The following STRIP2 variants were observed in gnomAD, a reference collection of about 807,000 sequenced individuals.
STRIP2 encodes striatin-interacting protein 2.
A neutral mutation model predicts 107.1 loss-of-function variants in STRIP2; 84 were observed. That is an observed-to-expected ratio of 0.78 (90% CI 0.66 to 0.94). The LOEUF (loss-of-function observed/expected upper bound fraction) is 0.94. Among genes scored for constraint, STRIP2 ranks in the 40% least tolerant of loss-of-function variants. The probability of loss-of-function intolerance (pLI) is 0.00; values close to 1 mark genes in which losing one functional copy is unlikely to be tolerated. For synonymous variants in STRIP2, 394 were observed against 400.4 expected, an observed-to-expected ratio of 0.98 and a Z score of 0.19; for missense variants, 888 against 1,034.2, an observed-to-expected ratio of 0.86 and a Z score of 1.94.
chr7:129,475,157 G>A (rs1798882423), intron 18 of STRIP2, among the ~76,000 whole-genome samples: 1 of 152,048 alleles, frequency 6.6e-6, no homozygotes, highest in Admixed American at 6.6e-5. Flanking sequence ...GTTAAGTGTG[G>A]TCTTTGAAAG....
chr7:129,441,141 TTTA>T (rs1297906446), intron 2 of STRIP2, among the ~76,000 whole-genome samples: 1 of 152,126 alleles, frequency 6.6e-6, no homozygotes. Flanking sequence ...GATATTGAAC[TTTA>T]TTAGTATATG....
intron 18 of STRIP2, among the ~76,000 whole-genome samples, chr7:129,477,628 A>G (rs1414201660): frequency 6.6e-6 from 1 of 152,306 alleles, no homozygotes; most frequent in Admixed American, 6.5e-5. Flanking sequence ...CTTGAGAACC[A>G]TTACTCTCTT....
intron 18 of STRIP2, among the ~76,000 whole-genome samples, chr7:129,476,266 G>A (rs1584967626): frequency 6.6e-6 from 1 of 150,810 alleles, no homozygotes; most frequent in African/African-American, 2.4e-5. Context: ...CGGGCGGGGC[G>A]GCTGCCGGGC....
At chr7:129,467,224 T>C (rs1031153366) in intron 16 of STRIP2, 126 bp from the exon 17 acceptor site, 1 of 695,598 alleles carries the variant, frequency 1.4e-6, no homozygotes, top group Non-Finnish European at 2.4e-6. Context: ...GGAAGACTGA[T>C]AACACAAGTG....
Position 129,456,141 on chromosome 7 carries a change from C to CTTTTTTTT in STRIP2, c.835-297_835-290dup, listed in dbSNP as rs775446984. ...TGTTCCTTAAAAAAGTCGATAGTTT[C>CTTTTTTTT]TTTTTTTTCTTTTTTTTTTTTTTTG... On this transcript the variant is annotated intron_variant, in intron 8 of 20. Coordinates refer to ENST00000249344, the MANE Select transcript of STRIP2 (RefSeq NM_020704.3). 4.9e-5 allele frequency among the ~76,000 whole-genome samples: 4 copies of CTTTTTTTT among 81,002 alleles called. 1 individual carries two copies. Among genetic ancestry groups the CTTTTTTTT allele is most frequent in the African/African-American group, 7.5e-5 (2 of 26,798 alleles). 53.1% of individuals were successfully genotyped at this position (81,002 alleles called of 152,430 possible). A position where few individuals can be genotyped will look rare whatever the true frequency, so the allele number is the denominator to read the frequency against.
chr7:129,481,021 C>T (rs183333576), intron 19 of STRIP2, 132 bp downstream of exon 19: 20 of 627,274 alleles, frequency 3.2e-5, no homozygotes, highest in African/African-American at 1.3e-4. Context: ...AGATTTAGCA[C>T]CTCATAATTC....
Position 129,458,717 on chromosome 7 carries a change from AG to A in STRIP2, c.1282del (p.Asp428ThrfsTer8). ...TCTTTCCACCATCCTCTCAGACAGA[AG>A]GACATTGAGCACTTCTTGGAGATGA... ...GLPWAPKVRQ[K>X]DIEHFLEMSR... is the part of the protein sequence containing the mutation. On this transcript the variant is annotated frameshift_variant, in exon 11 of 21. Transcript: ENST00000249344. LOFTEE classifies it high-confidence loss of function. The surrounding 1 kb of genome is among the most constrained non-coding windows in gnomAD (Gnocchi z 4.6). 2 of 1,614,202 alleles carry A rather than the reference AG, an allele frequency of 1.2e-6. No homozygotes were observed. Among genetic ancestry groups the A allele is most frequent in the Non-Finnish European group, 8.5e-7 (1 of 1,180,026 alleles).
intron 3 of STRIP2, among the ~76,000 whole-genome samples, chr7:129,450,411 G>T (rs1584942284): frequency 6.6e-6 from 1 of 152,208 alleles, no homozygotes; most frequent in East Asian, 1.9e-4. Flanking sequence ...TGTGCTGCCT[G>T]ATAGAACCCT....
chr7:129,458,843 T>G lies in STRIP2; in HGVS notation c.1340+66T>G, dbSNP rs1428173672. On this transcript the variant is annotated intron_variant, in intron 11 of 20. Coordinates refer to ENST00000249344, the MANE Select transcript of STRIP2 (RefSeq NM_020704.3). The surrounding 1 kb of genome is among the most constrained non-coding windows in gnomAD (Gnocchi z 4.6). Reference sequence around the variant, plus strand: ...CTAGGGGGCCAGAGGAGCAGGTAGCTTGGAATGAGGGATGGTGCCTGGTGG... The same window carrying G: ...CTAGGGGGCCAGAGGAGCAGGTAGCGTGGAATGAGGGATGGTGCCTGGTGG... 1.4e-5 allele frequency: 21 copies of G among 1,496,950 alleles called. No individual in the cohort carries two copies. The highest frequency in any genetic ancestry group is 1.8e-5 in the Non-Finnish European group (19 of 1,074,640). The allele number at this position is 1,496,950 out of a possible 1,614,324, so 92.7% of individuals were successfully genotyped here.
At chr7:129,442,690 A>G (rs1356983689) in intron 2 of STRIP2, among the ~76,000 whole-genome samples, 1 of 152,150 alleles carries the variant, frequency 6.6e-6, no homozygotes, top group Non-Finnish European at 1.5e-5. Context: ...CCTCTCCACT[A>G]ATGACTGAAG....
chr7:129,485,668 C>A lies in STRIP2; in HGVS notation c.2344C>A (p.Pro782Thr), dbSNP rs765335204. Residue 782 changes from proline (P) to threonine (T), a missense_variant, in exon 21 of 21, where the codon CCC becomes ACC. Physicochemically the swap from Pro to Thr is conservative, Grantham distance 38. Transcript: ENST00000249344. ...EAFNSRRYDRPQDSEFSPVDN... is the reference protein window; with the variant it reads ...EAFNSRRYDRTQDSEFSPVDN... ...TTTTAACAGCCGTCGCTATGACAGA[C>A]CCCAGGACTCTGAGTTTTCACCTGT... 2 of 1,613,930 alleles carry A rather than the reference C, an allele frequency of 1.2e-6. No homozygotes were observed. Among genetic ancestry groups the A allele is most frequent in the Non-Finnish European group, 1.7e-6 (2 of 1,180,034 alleles).
At chr7:129,440,512 A>G (rs1797868988) in intron 2 of STRIP2, among the ~76,000 whole-genome samples, 2 of 151,348 alleles carry the variant, frequency 1.3e-5, no homozygotes, top group South Asian at 2.1e-4. Flanking sequence ...TGTCTCCTCT[A>G]CCTCCATCTT....
chr7:129,442,287 A>C (rs1797921771), intron 2 of STRIP2, among the ~76,000 whole-genome samples: 1 of 152,216 alleles, frequency 6.6e-6, no homozygotes, highest in East Asian at 1.9e-4. Context: ...GTAACAAAGG[A>C]ATTTATACAA....
chr7:129,456,659 A>G lies in STRIP2; in HGVS notation c.1038+17A>G. 5.0e-6 allele frequency: 8 copies of G among 1,609,696 alleles called. No homozygotes were observed. The highest frequency in any genetic ancestry group is 1.1e-5 in the South Asian group (1 of 90,816). ...TCTCGAAGGGTATGGACTGAAGCAGACAATGGTATTGGGACACCGACTGGC... is the reference window on the plus strand; with the variant it reads ...TCTCGAAGGGTATGGACTGAAGCAGGCAATGGTATTGGGACACCGACTGGC... On this transcript the variant is annotated intron_variant, in intron 9 of 20. Coordinates refer to ENST00000249344, the MANE Select transcript of STRIP2 (RefSeq NM_020704.3).
intron 2 of STRIP2, among the ~76,000 whole-genome samples, chr7:129,441,724 G>A (rs745855753): frequency 6.6e-6 from 1 of 151,788 alleles, no homozygotes; most frequent in Non-Finnish European, 1.5e-5. Flanking sequence ...GCCCTACCAT[G>A]CCCAGCTAAT....
rs767595219 is a variant in STRIP2 at position 129,458,090 on chromosome 7, C to T, written c.1039-125C>T. ...GTTAAGGTGGGGAATTGGATGTTTT[C>T]GCAAGGGCTGTGTTCAGATTCCATG... On this transcript the variant is annotated intron_variant, in intron 9 of 20. Transcript: ENST00000249344. This position sits in a 1 kb window ranked among gnomAD's most constrained non-coding sequence, Gnocchi z 4.6. 23 of 783,890 alleles carry T rather than the reference C, an allele frequency of 2.9e-5. No individual in the cohort carries two copies. Among genetic ancestry groups the T allele is most frequent in the Non-Finnish European group, 4.7e-5 (21 of 449,882 alleles). 48.6% of individuals were successfully genotyped at this position (783,890 alleles called of 1,614,324 possible).
In STRIP2 at chr7:129,467,427, G is replaced by A; in HGVS notation, c.1854G>A (p.Leu618=). Residue 618 remains leucine (L), a synonymous_variant, in exon 17 of 21, where the codon TTG becomes TTA. Transcript: ENST00000249344. The part of the protein sequence containing the change: ...LILKFFNQNI[L]SYITAKNSIS... ...TGAAGTTCTTCAATCAAAATATCTT[G>A]TCATACATCACTGCCAAAAACAGGT... is the stretch of plus-strand genomic sequence containing the variant. 6.2e-7 allele frequency: 1 copy of A among 1,613,224 alleles called. No homozygotes were observed. The highest frequency in any genetic ancestry group is 8.5e-7 in the Non-Finnish European group (1 of 1,179,688).
Position 129,483,024 on chromosome 7 carries a change from C to CGAT in STRIP2, c.2235_2237dup (p.Asp746dup). 1 of 1,614,202 alleles carries CGAT rather than the reference C, an allele frequency of 6.2e-7. No homozygotes were observed. Among genetic ancestry groups the CGAT allele is most frequent in the South Asian group, 1.1e-5 (1 of 91,076 alleles). On this transcript the variant is annotated inframe_insertion, in exon 20 of 21. Coordinates refer to ENST00000249344, the MANE Select transcript of STRIP2 (RefSeq NM_020704.3). The surrounding 1 kb of genome is among the most constrained non-coding windows in gnomAD (Gnocchi z 5.1). Reference sequence around the variant, plus strand: ...ACCAGAAAGTGCGTCACCGCATGAACGATGACTGGGCTTACGGGAATGGTG... The same window carrying CGAT: ...ACCAGAAAGTGCGTCACCGCATGAACGATGATGACTGGGCTTACGGGAATGGTG...
intron 1 of STRIP2, among the ~76,000 whole-genome samples, chr7:129,438,597 G>A (rs1797814282): frequency 6.6e-6 from 1 of 152,162 alleles, no homozygotes; most frequent in Admixed American, 6.5e-5. Context: ...CCAACTGGAT[G>A]TCCTACAGTT....
Sources: gnomAD v4.1 joint callset for allele counts (sites outside exome capture counted in the v4.1 genomes callset) on GRCh38, gnomAD v4.1.1 for gene constraint, Gnocchi (gnomAD v3.1) non-coding constraint, MANE v1.5 for transcripts, NCBI Gene and HGNC (gene_info 2026-07-23, HGNC 2026-07-21) for gene names.